Variants in ARID5B observed in about 807,000 individuals in gnomAD.
The protein encoded by ARID5B is AT-rich interaction domain 5B.
In ARID5B, 13 loss-of-function variants were observed where a neutral mutation model predicts 97.2. The observed-to-expected ratio is 0.13, with a 90% CI of 0.09 to 0.21. The LOEUF is 0.21. Among genes scored for constraint, ARID5B ranks in the 10% least tolerant of loss-of-function variants. The pLI is 1.00. For synonymous variants in ARID5B, 556 were observed against 570.3 expected (o/e 0.97, Z 0.36); for missense variants, 1,210 against 1,465.3 (o/e 0.83, Z 2.84).
chr10:61,983,842 T>C (rs1838809934), intron 3 of ARID5B, among the ~76,000 whole-genome samples: 1 of 151,872 alleles, frequency 6.6e-6, no homozygotes, highest in Admixed American at 6.6e-5. Context: ...TAATCCAAAT[T>C]ATATTTTTTA....
rs1840458718 is a variant in ARID5B, at chr10:62,095,621, G to C, written c.*2591G>C. On this transcript the variant is annotated 3_prime_UTR_variant, in exon 10 of 10. Coordinates refer to ENST00000279873, the MANE Select transcript of ARID5B (RefSeq NM_032199.3). ...CATCAGGACAAATAAAGAGAAATGG[G>C]GGTACGCATTCCCAACAGAAGCAGT... 1 of 233,330 alleles carries C rather than the reference G, an allele frequency of 4.3e-6. No homozygotes were observed. The highest frequency in any genetic ancestry group is 5.6e-5 in the Admixed American group (1 of 17,770). 14.5% of individuals were successfully genotyped at this position (233,330 alleles called of 1,614,324 possible).
chr10:61,981,852 C>G (rs1420874462), intron 3 of ARID5B, among the ~76,000 whole-genome samples: 1 of 152,164 alleles, frequency 6.6e-6, no homozygotes. Context: ...AAAGAAACAC[C>G]TCACCTAGGT....
intron 2 of ARID5B, among the ~76,000 whole-genome samples, chr10:61,916,085 G>T (rs184473678): frequency 6.6e-6 from 1 of 152,136 alleles, no homozygotes; most frequent in Non-Finnish European, 1.5e-5. Flanking sequence ...ATAGGGTCTT[G>T]CTCTGTCACC....
intron 2 of ARID5B, among the ~76,000 whole-genome samples, chr10:61,905,637 C>G (rs986592881): frequency 2.0e-5 from 3 of 152,224 alleles, no homozygotes; most frequent in African/African-American, 7.2e-5. Flanking sequence ...CCCAGTGAAA[C>G]CTACCCTTGA....
At position 62,092,195 on chromosome 10, in the gene ARID5B, C is replaced by T; in HGVS notation, c.2732C>T (p.Pro911Leu). The T allele has an allele frequency of 6.2e-7, 1 of 1,610,470 alleles. No homozygotes were observed. Among genetic ancestry groups the T allele is most frequent in the Non-Finnish European group, 8.5e-7 (1 of 1,178,660 alleles). ...TDDQPTDLSL[P>L]KNPHKPTGKV... Reference sequence around the variant, plus strand: ...GATCAGCCTACAGATCTGAGCCTTCCCAAGAACCCGCACAAACCTACCGGC... The same window carrying T: ...GATCAGCCTACAGATCTGAGCCTTCTCAAGAACCCGCACAAACCTACCGGC... The change falls in exon 10 of 10, where the codon CCC (proline) becomes CTC (leucine). Residue 911 changes from proline to leucine, a missense_variant. Transcript: ENST00000279873.
At chr10:62,071,512 G>A (rs181993231) in intron 8 of ARID5B, among the ~76,000 whole-genome samples, 1 of 143,844 alleles carries the variant, frequency 7.0e-6, no homozygotes, top group African/African-American at 2.6e-5. Flanking sequence ...TCTAGTTAAA[G>A]AATGAAAACA....
At chr10:61,929,712 T>A (rs1040858935) in intron 2 of ARID5B, among the ~76,000 whole-genome samples, 2 of 152,186 alleles carry the variant, frequency 1.3e-5, no homozygotes, top group Non-Finnish European at 2.9e-5. Flanking sequence ...TTATTCCCTT[T>A]GAGGGAATTA....
intron 3 of ARID5B, among the ~76,000 whole-genome samples, chr10:61,982,933 A>T (rs1472420193): frequency 1.3e-5 from 2 of 152,252 alleles, no homozygotes; most frequent in Non-Finnish European, 2.9e-5. Context: ...CCCTCCGATC[A>T]GAAAGAGTAA....
At chr10:62,031,142 G>T (rs1839492551) in intron 4 of ARID5B, among the ~76,000 whole-genome samples, 2 of 152,190 alleles carry the variant, frequency 1.3e-5, no homozygotes, top group South Asian at 4.1e-4. Flanking sequence ...GCTGTGGCAG[G>T]AGAGTCACTT....
intron 3 of ARID5B, among the ~76,000 whole-genome samples, chr10:61,954,397 T>A (rs1441581680): frequency 1.3e-5 from 2 of 151,606 alleles, no homozygotes; most frequent in African/African-American, 4.8e-5. Context: ...AAAATAAAAT[T>A]ATATATATAA....
chr10:62,061,401 G>A (rs975531250), intron 7 of ARID5B, among the ~76,000 whole-genome samples: 5 of 152,206 alleles, frequency 3.3e-5, no homozygotes, highest in African/African-American at 9.7e-5. Context: ...GTTGGGCATG[G>A]AGAGTTTGAA....
Position 62,096,130 on chromosome 10 carries a change from T to C in ARID5B, c.*3100T>C, listed in dbSNP as rs1407206446. The C allele has an allele frequency of 1.7e-5, 4 of 233,480 alleles. No individual in the cohort carries two copies. Among genetic ancestry groups the C allele is most frequent in the Non-Finnish European group, 2.5e-5 (3 of 117,998 alleles). 14.5% of individuals were successfully genotyped at this position (233,480 alleles called of 1,614,324 possible). On this transcript the variant is annotated 3_prime_UTR_variant, in exon 10 of 10. Transcript: ENST00000279873. Reference sequence around the variant, plus strand: ...AATATTTGCCACAGGACTGACTTATTTATTTACTAGCTAGAAGCTCTTAAG... The same window carrying C: ...AATATTTGCCACAGGACTGACTTATCTATTTACTAGCTAGAAGCTCTTAAG...
At position 61,997,312 on chromosome 10, in the gene ARID5B, G is replaced by T. The variant is rs7095421; in HGVS notation, c.503-2779G>T. 2.5e-3 allele frequency among the ~76,000 whole-genome samples: 374 copies of T among 152,108 alleles called. 1 individual carries two copies. Among genetic ancestry groups the T allele is most frequent in the African/African-American group, 8.5e-3 (353 of 41,470 alleles). On this transcript the variant is annotated intron_variant, in intron 3 of 9. Transcript: ENST00000279873. ...AGGTCATTTCTAGGCACAGAAGATTGCCAGGGAGCCGACTCCATCCAGAAC... is the reference window on the plus strand; with the variant it reads ...AGGTCATTTCTAGGCACAGAAGATTTCCAGGGAGCCGACTCCATCCAGAAC...
chr10:62,074,448 C>T (rs1420981362), intron 8 of ARID5B, among the ~76,000 whole-genome samples: 2 of 152,206 alleles, frequency 1.3e-5, no homozygotes, highest in African/African-American at 2.4e-5. Flanking sequence ...TGTACTTGGG[C>T]AGATACTGGG....
Position 62,092,280 on chromosome 10 carries a change from G to A in ARID5B, c.2817G>A (p.Gln939=). The A allele has an allele frequency of 1.2e-6, 2 of 1,607,512 alleles. No homozygotes were observed. The highest frequency in any genetic ancestry group is 1.7e-6 in the Non-Finnish European group (2 of 1,176,970). Residue 939 remains glutamine, a synonymous_variant, in exon 10 of 10, where the codon CAG becomes CAA. Coordinates refer to ENST00000279873, the MANE Select transcript of ARID5B (RefSeq NM_032199.3). ...TGPQESKGIS[Q]FQVLGSQSRD... ...CCCAGGAGAGCAAAGGCATCTCCCA[G>A]TTCCAGGTCTTAGGCAGCCAGAGTC...
chr10:62,016,976 G>GA (rs561751061), intron 4 of ARID5B, among the ~76,000 whole-genome samples: 2 of 152,228 alleles, frequency 1.3e-5, no homozygotes, highest in South Asian at 4.1e-4. Flanking sequence ...TTACTAGTCT[G>GA]AAAAATATGC....
At chr10:61,912,312 A>T (rs1843819298) in intron 2 of ARID5B, among the ~76,000 whole-genome samples, 1 of 152,142 alleles carries the variant, frequency 6.6e-6, no homozygotes, top group South Asian at 2.1e-4. Flanking sequence ...TAAGATATTC[A>T]TCATATATAT....
At position 62,000,480 on chromosome 10, in the gene ARID5B, T is replaced by C. The variant is rs1839062640; in HGVS notation, c.733+159T>C. On this transcript the variant is annotated intron_variant, in intron 4 of 9. Coordinates refer to ENST00000279873, the MANE Select transcript of ARID5B (RefSeq NM_032199.3). This position sits in a 1 kb window ranked among gnomAD's most constrained non-coding sequence, Gnocchi z 4.4. ...CCCCAAATTATTGCGGCATAAGGCG[T>C]CATTGCCTCCTTCGTAGCCTCTGTT... Among the ~76,000 whole-genome samples the C allele has an allele frequency of 7.1e-6, 1 of 141,328 alleles. No individual in the cohort carries two copies. Among genetic ancestry groups the C allele is most frequent in the Non-Finnish European group, 1.5e-5 (1 of 65,494 alleles). The allele number at this position is 141,328 out of a possible 152,430, so 92.7% of individuals were successfully genotyped here.
At position 61,992,385 on chromosome 10, in the gene ARID5B, G is replaced by T. The variant is rs192497035; in HGVS notation, c.503-7706G>T. On this transcript the variant is annotated intron_variant, in intron 3 of 9. Transcript: ENST00000279873. ...GTTACTCAGAGTGGTAGCAGTGTTT[G>T]GTTATAGTTTAGTTTTGTGATGTTT... is the stretch of plus-strand genomic sequence containing the variant. Among the ~76,000 whole-genome samples the T allele has an allele frequency of 7.9e-5, 12 of 152,270 alleles. No individual in the cohort carries two copies. The East Asian group carries it at 1.9e-3, about 24-fold the overall frequency.
Sources: gnomAD v4.1 joint callset for allele counts (sites outside exome capture counted in the v4.1 genomes callset) on GRCh38, gnomAD v4.1.1 for gene constraint, Gnocchi (gnomAD v3.1) non-coding constraint, MANE v1.5 for transcripts, NCBI Gene and HGNC (gene_info 2026-07-23, HGNC 2026-07-21) for gene names.